DNAH5: variants seen among roughly 807,000 people sequenced by gnomAD.
DNAH5 encodes the protein dynein axonemal heavy chain 5.
A neutral mutation model predicts 518.2 loss-of-function variants in DNAH5; 372 were observed. The observed-to-expected ratio is 0.72, with a 90% CI of 0.66 to 0.78. The LOEUF (loss-of-function observed/expected upper bound fraction) is 0.78. Among genes scored for constraint, DNAH5 ranks in the 30% least tolerant of loss-of-function variants. The pLI, the probability that DNAH5 is intolerant of heterozygous loss-of-function variation, is 0.00. For synonymous variants in DNAH5, 2,039 were observed against 2,025.9 expected (o/e 1.01, Z -0.17); for missense variants, 5,523 against 5,687.0 (o/e 0.97, Z 0.93).
At chr5:13,770,184 C>T (rs1223066291) in intron 56 of DNAH5, among the ~76,000 whole-genome samples, 1 of 152,130 alleles carries the variant, frequency 6.6e-6, no homozygotes, top group Non-Finnish European at 1.5e-5. Flanking sequence ...TAGCCACGCT[C>T]AGGAAGATGA....
chr5:13,762,144 G>A (rs2126742533), intron 60 of DNAH5, among the ~76,000 whole-genome samples: 1 of 152,278 alleles, frequency 6.6e-6, no homozygotes, highest in South Asian at 2.1e-4. Context: ...AGAGGAATAT[G>A]CAAAAATGAA....
chr5:13,996,333 C>T (rs897613518), intron 1 of DNAH5, among the ~76,000 whole-genome samples: 2 of 152,154 alleles, frequency 1.3e-5, no homozygotes, highest in East Asian at 3.9e-4. Context: ...GAATTCATGT[C>T]TTTCTCACAT....
At chr5:13,824,659 A>C (rs1438825514) in intron 38 of DNAH5, among the ~76,000 whole-genome samples, 1 of 152,192 alleles carries the variant, frequency 6.6e-6, no homozygotes, top group Non-Finnish European at 1.5e-5. Flanking sequence ...ATCATACATA[A>C]GGAAATTTGC....
At chr5:13,741,597 A>AT (rs1399532737) in intron 65 of DNAH5, among the ~76,000 whole-genome samples, 2 of 152,212 alleles carry the variant, frequency 1.3e-5, no homozygotes, top group Non-Finnish European at 2.9e-5. Flanking sequence ...CAGTTATAAT[A>AT]AAAGCCCTCA....
At chr5:13,866,097 T>C in intron 26 of DNAH5, 123 bp downstream of exon 26, 1 of 961,092 alleles carries the variant, frequency 1.0e-6, no homozygotes, top group Non-Finnish European at 1.6e-6. Flanking sequence ...ATCGTATTTT[T>C]AATGCAAGTA....
At chr5:13,991,157 G>GT (rs1581128189) in intron 1 of DNAH5, among the ~76,000 whole-genome samples, 1 of 151,950 alleles carries the variant, frequency 6.6e-6, no homozygotes, top group African/African-American at 2.4e-5. Context: ...TTTTAACTAG[G>GT]TAAAAGAAAA....
chr5:13,733,656 T>C (rs963732536), intron 68 of DNAH5, among the ~76,000 whole-genome samples: 6 of 152,228 alleles, frequency 3.9e-5, no homozygotes, highest in Non-Finnish European at 7.3e-5. Context: ...TAATCATTTC[T>C]AAGTTCAAAT....
chr5:13,769,735 G>T, intron 56 of DNAH5, 120 bp from the exon 57 acceptor site: 1 of 863,182 alleles, frequency 1.2e-6, no homozygotes. Flanking sequence ...TATGCAAGTA[G>T]CAAACCCAAG....
intron 30 of DNAH5, among the ~76,000 whole-genome samples, chr5:13,857,247 G>A (rs1487288048): frequency 1.3e-5 from 2 of 152,110 alleles, no homozygotes; most frequent in African/African-American, 2.4e-5. Context: ...AATCGTTAGT[G>A]AACTCCCATT....
chr5:13,790,619 T>C (rs1756818369), intron 50 of DNAH5, among the ~76,000 whole-genome samples: 1 of 152,118 alleles, frequency 6.6e-6, no homozygotes, highest in Non-Finnish European at 1.5e-5. Context: ...GATCTTATGG[T>C]TTTATAAGAG....
intron 1 of DNAH5, among the ~76,000 whole-genome samples, chr5:14,008,115 TG>T (rs532420516): frequency 3.8e-4 from 56 of 147,816 alleles, no homozygotes; most frequent in South Asian, 6.4e-4. Flanking sequence ...GAGGTTGCAG[TG>T]AGCCGAGATC....
chr5:13,845,968 C>T (rs1765948600), intron 31 of DNAH5, among the ~76,000 whole-genome samples: 1 of 149,572 alleles, frequency 6.7e-6, no homozygotes, highest in African/African-American at 2.5e-5. Flanking sequence ...GTGGCTGGAA[C>T]TACAGGCCTG....
chr5:13,770,653 T>C (rs1000830686), intron 56 of DNAH5, 96 bp downstream of exon 56: 54 of 1,028,410 alleles, frequency 5.3e-5, no homozygotes, highest in Non-Finnish European at 7.8e-5. Flanking sequence ...ATACACAAAA[T>C]GTCTCCGGTC....
Position 13,810,207 on chromosome 5 carries a change from C to G in DNAH5, c.7461G>C (p.Ala2487=), listed in dbSNP as rs1383118374. The G allele has an allele frequency of 6.4e-7, 1 of 1,550,412 alleles. No homozygotes were observed. Among genetic ancestry groups the G allele is most frequent in the East Asian group, 2.4e-5 (1 of 40,920 alleles). The change falls in exon 45 of 79, where the codon GCG becomes GCC. Residue 2487 remains alanine, a synonymous_variant. Coordinates refer to ENST00000265104, the MANE Select transcript of DNAH5 (RefSeq NM_001369.3). The part of the protein sequence containing the change: ...QAHLGRLFVF[A]LLWSAGAALE... Reference sequence around the variant, plus strand: ...GCGCCGCCCCCGCGCTCCACAGCAGCGCGAACACGAACAGCCGCCCCAGGT... The same window carrying G: ...GCGCCGCCCCCGCGCTCCACAGCAGGGCGAACACGAACAGCCGCCCCAGGT...
chr5:13,802,059 C>T (rs761785045), intron 47 of DNAH5, among the ~76,000 whole-genome samples: 1 of 151,872 alleles, frequency 6.6e-6, no homozygotes, highest in Non-Finnish European at 1.5e-5. Flanking sequence ...AATCCAGTTA[C>T]TGATTTTTAA....
At chr5:13,975,300 G>A (rs764541336) in intron 1 of DNAH5, among the ~76,000 whole-genome samples, 7 of 152,130 alleles carry the variant, frequency 4.6e-5, no homozygotes, top group Non-Finnish European at 1.0e-4. Context: ...GCAGTGTGGG[G>A]GAAACCATCC....
intron 38 of DNAH5, among the ~76,000 whole-genome samples, chr5:13,827,968 G>A (rs1202797540): frequency 6.6e-6 from 1 of 152,162 alleles, no homozygotes; most frequent in East Asian, 1.9e-4. Context: ...AGTTTCCTGA[G>A]GCCTTCCCAG....
intron 35 of DNAH5, among the ~76,000 whole-genome samples, chr5:13,833,807 C>T (rs1332420954): frequency 2.0e-5 from 3 of 152,198 alleles, no homozygotes; most frequent in Non-Finnish European, 4.4e-5. Flanking sequence ...CAATTCTAGT[C>T]TTCATTAAAA....
At chr5:13,969,199 C>G (rs1289544733) in intron 1 of DNAH5, among the ~76,000 whole-genome samples, 1 of 152,010 alleles carries the variant, frequency 6.6e-6, no homozygotes, top group Non-Finnish European at 1.5e-5. Context: ...TTATTTGGAT[C>G]TTCTCTCTTC....
Sources: gnomAD v4.1 joint callset for allele counts (sites outside exome capture counted in the v4.1 genomes callset) on GRCh38, gnomAD v4.1.1 for gene constraint, MANE v1.5 for transcripts, NCBI Gene and HGNC (gene_info 2026-07-23, HGNC 2026-07-21) for gene names.